Variants in AFG2A observed in about 807,000 individuals in gnomAD.
The protein encoded by AFG2A is AAA ATPase AFG2A, also known as ATPase family gene 2 protein homolog A.
chr4:123,257,846 T>G, the AFG2A span, among the ~76,000 whole-genome samples: 1 of 152,218 alleles, frequency 6.6e-6, no homozygotes, highest in African/African-American at 2.4e-5. Context: ...TTTGAAGTAA[T>G]TCATGGTAGT....
chr4:123,277,424 C>T, the AFG2A span, among the ~76,000 whole-genome samples: 2 of 152,128 alleles, frequency 1.3e-5, no homozygotes, highest in Non-Finnish European at 2.9e-5. Flanking sequence ...TGTCTGCAAA[C>T]AGGGATAGTT....
At chr4:123,151,183 G>A in the AFG2A span, among the ~76,000 whole-genome samples, 1 of 152,100 alleles carries the variant, frequency 6.6e-6, no homozygotes, top group Admixed American at 6.5e-5. Context: ...GAAAACCTAG[G>A]CATTACCGTT....
chr4:123,006,296 T>C, the AFG2A span, among the ~76,000 whole-genome samples: 2 of 152,110 alleles, frequency 1.3e-5, no homozygotes, highest in African/African-American at 4.8e-5. Flanking sequence ...CTATATAACA[T>C]GTCCCCCGGC....
chr4:123,222,015 C>T, the AFG2A span, among the ~76,000 whole-genome samples: 1 of 151,862 alleles, frequency 6.6e-6, no homozygotes, highest in Non-Finnish European at 1.5e-5. Flanking sequence ...TTTCATTGTC[C>T]GTTTAAATGG....
At chr4:123,153,467 C>T in the AFG2A span, among the ~76,000 whole-genome samples, 2 of 151,982 alleles carry the variant, frequency 1.3e-5, no homozygotes, top group Non-Finnish European at 2.9e-5. Context: ...TTTTTTTCTT[C>T]GACATTTATT....
the AFG2A span, among the ~76,000 whole-genome samples, chr4:122,923,800 A>G: frequency 6.6e-6 from 1 of 152,178 alleles, no homozygotes; most frequent in Non-Finnish European, 1.5e-5. Context: ...TAGCTCATCT[A>G]ATTTCTACAG....
chr4:123,205,784 T>G, the AFG2A span, among the ~76,000 whole-genome samples: 2 of 152,210 alleles, frequency 1.3e-5, no homozygotes, highest in East Asian at 1.9e-4. Context: ...TAACAGATAA[T>G]GTCTCAATAA....
At chr4:122,945,629 C>G in the AFG2A span, among the ~76,000 whole-genome samples, 1 of 152,224 alleles carries the variant, frequency 6.6e-6, no homozygotes, top group South Asian at 2.1e-4. Flanking sequence ...TGCTTCGGCT[C>G]GCACACGGTG....
chr4:123,225,467 A>G, the AFG2A span, among the ~76,000 whole-genome samples: 1 of 152,204 alleles, frequency 6.6e-6, no homozygotes, highest in African/African-American at 2.4e-5. Flanking sequence ...TTAACTAAGG[A>G]ATCCTTTCCC....
At chr4:123,146,061 T>C in the AFG2A span, among the ~76,000 whole-genome samples, 1 of 152,136 alleles carries the variant, frequency 6.6e-6, no homozygotes, top group Non-Finnish European at 1.5e-5. Flanking sequence ...TGTCATGAAT[T>C]AGACTGACAG....
chr4:123,245,799 C>T, the AFG2A span, among the ~76,000 whole-genome samples: 431 of 152,196 alleles, frequency 2.8e-3, 5 homozygotes, highest in Non-Finnish European at 4.5e-3. Flanking sequence ...TACAAATATA[C>T]GCTAACATGT....
At chr4:123,298,105 A>G in the AFG2A span, among the ~76,000 whole-genome samples, 106,565 of 151,462 alleles carry the variant, frequency 0.7, 38,902 homozygotes, top group Non-Finnish European at 0.8. Context: ...GCATGCGTGC[A>G]TACACATACA....
the AFG2A span, among the ~76,000 whole-genome samples, chr4:123,106,860 G>A: frequency 9.2e-5 from 14 of 152,376 alleles, no homozygotes; most frequent in South Asian, 4.1e-4. Flanking sequence ...TGCCAAGGGC[G>A]AGCGAGGCGT....
chr4:122,968,597 G>T, the AFG2A span, among the ~76,000 whole-genome samples: 1 of 152,174 alleles, frequency 6.6e-6, no homozygotes, highest in Admixed American at 6.5e-5. Flanking sequence ...TTTTATTGCT[G>T]AATTCGATTG....
the AFG2A span, among the ~76,000 whole-genome samples, chr4:122,935,558 A>T: frequency 6.6e-6 from 1 of 151,822 alleles, no homozygotes; most frequent in Non-Finnish European, 1.5e-5. Flanking sequence ...TGTTTGGGCT[A>T]GTTAGTACAT....
At chr4:122,972,535 T>A in the AFG2A span, among the ~76,000 whole-genome samples, 1 of 150,672 alleles carries the variant, frequency 6.6e-6, no homozygotes, top group Non-Finnish European at 1.5e-5. Context: ...TCACTGACTG[T>A]CAGTCTTTTT....
chr4:123,189,554 G>A, the AFG2A span, among the ~76,000 whole-genome samples: 1 of 151,930 alleles, frequency 6.6e-6, no homozygotes, highest in Non-Finnish European at 1.5e-5. Context: ...TAACCACAAG[G>A]TAAAATGTTT....
the AFG2A span, chr4:122,923,098 A>C: frequency 4.3e-6 from 7 of 1,610,748 alleles, no homozygotes; most frequent in South Asian, 1.1e-5. Context: ...AAGCGCGCAC[A>C]TTGAGTCGGC....
chr4:123,103,605 A>C, the AFG2A span, among the ~76,000 whole-genome samples: 2 of 152,150 alleles, frequency 1.3e-5, no homozygotes, highest in African/African-American at 4.8e-5. Context: ...CAAGTTTCTT[A>C]CATATAGTTA....
Sources: allele counts gnomAD v4.1 joint callset (sites outside exome capture counted in the v4.1 genomes callset), GRCh38; gene constraint gnomAD v4.1.1; transcripts MANE v1.5; gene names NCBI Gene and HGNC (gene_info 2026-07-23, HGNC 2026-07-21).